The following SMYD3 variants were observed in gnomAD, a reference collection of about 807,000 sequenced individuals.
SMYD3 encodes the protein histone-lysine N-methyltransferase SMYD3.
In SMYD3, 36 loss-of-function variants were observed where a neutral mutation model predicts 57.7. That is an observed-to-expected ratio of 0.62 (90% CI 0.48 to 0.82). The LOEUF (loss-of-function observed/expected upper bound fraction) is 0.82, where lower values mean the gene tolerates loss of function less well. SMYD3 is among the 40% of genes least tolerant of loss of function. SMYD3 has a pLI of 0.00. For synonymous variants in SMYD3, 211 were observed against 195.0 expected (o/e 1.08, Z -0.68); for missense variants, 515 against 538.8 (o/e 0.96, Z 0.44).
At chr1:245,916,286 T>C (rs946714339) in intron 7 of SMYD3, among the ~76,000 whole-genome samples, 4 of 152,052 alleles carry the variant, frequency 2.6e-5, no homozygotes, top group Admixed American at 2.6e-4. Context: ...CCTCGGATGG[T>C]GAAGGGTTAT....
At chr1:246,018,325 T>C (rs1017953644) in intron 5 of SMYD3, among the ~76,000 whole-genome samples, 1 of 152,212 alleles carries the variant, frequency 6.6e-6, no homozygotes, top group South Asian at 2.1e-4. Flanking sequence ...GGCTGCCAGG[T>C]TTCCACGTGA....
intron 10 of SMYD3, among the ~76,000 whole-genome samples, chr1:245,808,828 T>A (rs1487863609): frequency 6.6e-6 from 1 of 152,090 alleles, no homozygotes; most frequent in Non-Finnish European, 1.5e-5. Flanking sequence ...AATGGCACGA[T>A]CTCAGCTCAT....
At chr1:245,838,370 T>C (rs2185372) in intron 10 of SMYD3, among the ~76,000 whole-genome samples, 151,922 of 152,300 alleles carry the variant, frequency 1, 75,773 homozygotes, top group East Asian at 1. Context: ...AGGCATCAGT[T>C]GGAAGCCACA....
At chr1:246,025,173 G>A (rs2148241780) in intron 5 of SMYD3, among the ~76,000 whole-genome samples, 1 of 134,734 alleles carries the variant, frequency 7.4e-6, no homozygotes, top group East Asian at 2.3e-4. Context: ...CTAGGAAGGA[G>A]ATACAGGAAG....
intron 5 of SMYD3, among the ~76,000 whole-genome samples, chr1:246,114,715 C>A (rs1205697656): frequency 6.6e-6 from 1 of 152,044 alleles, no homozygotes; most frequent in African/African-American, 2.4e-5. Context: ...ACTGCAACCT[C>A]TGCCTACCAG....
At chr1:246,200,603 T>C (rs1365947480) in intron 5 of SMYD3, among the ~76,000 whole-genome samples, 1 of 115,366 alleles carries the variant, frequency 8.7e-6, no homozygotes, top group Non-Finnish European at 1.6e-5. Flanking sequence ...TACACAGACG[T>C]CACTATAATA....
At chr1:245,892,289 A>G (rs1383768393) in intron 8 of SMYD3, among the ~76,000 whole-genome samples, 1 of 152,220 alleles carries the variant, frequency 6.6e-6, no homozygotes, top group Non-Finnish European at 1.5e-5. Context: ...AGATCATTCA[A>G]TAATAATAAT....
intron 1 of SMYD3, among the ~76,000 whole-genome samples, chr1:246,496,644 A>C (rs1414771399): frequency 3.9e-5 from 6 of 152,108 alleles, no homozygotes; most frequent in Non-Finnish European, 8.8e-5. Context: ...GCTGGGCAAC[A>C]TGGTGAAACC....
intron 8 of SMYD3, among the ~76,000 whole-genome samples, chr1:245,865,986 G>C (rs1400578479): frequency 3.8e-5 from 1 of 26,268 alleles, no homozygotes. Flanking sequence ...AGCAGGGCCA[G>C]TGTGAAGGAT....
intron 5 of SMYD3, among the ~76,000 whole-genome samples, chr1:246,189,498 T>G (rs1338806145): frequency 1.3e-5 from 2 of 152,210 alleles, no homozygotes; most frequent in Admixed American, 6.5e-5. Flanking sequence ...AATTTGTTAT[T>G]AAAATACATA....
intron 5 of SMYD3, among the ~76,000 whole-genome samples, chr1:246,123,245 G>A (rs555172453): frequency 7.4e-4 from 113 of 152,230 alleles, no homozygotes; most frequent in Middle Eastern, 3.4e-3. Context: ...TAATCTAAAC[G>A]GAAGAGCCAT....
At chr1:245,908,531 T>C (rs1188715955) in intron 8 of SMYD3, among the ~76,000 whole-genome samples, 5 of 152,198 alleles carry the variant, frequency 3.3e-5, no homozygotes, top group Admixed American at 2.6e-4. Context: ...TAGAATATAC[T>C]TTCATCTCAT....
intron 1 of SMYD3, among the ~76,000 whole-genome samples, chr1:246,385,287 C>T (rs1280680861): frequency 7.0e-6 from 1 of 143,374 alleles, no homozygotes; most frequent in African/African-American, 2.5e-5. Flanking sequence ...ATTTTAAGTA[C>T]TAGGAATAAA....
At chr1:246,131,316 G>C (rs114072155) in intron 5 of SMYD3, among the ~76,000 whole-genome samples, 223 of 152,220 alleles carry the variant, frequency 1.5e-3, no homozygotes, top group African/African-American at 5.3e-3. Context: ...GTACATGGTG[G>C]TGGCTCAGGA....
intron 5 of SMYD3, among the ~76,000 whole-genome samples, chr1:246,225,425 G>A (rs2063316831): frequency 6.8e-6 from 1 of 147,152 alleles, no homozygotes; most frequent in African/African-American, 2.5e-5. Flanking sequence ...CTGTAATGAA[G>A]TGTCAGAAAA....
chr1:246,011,440 G>A (rs981804475), intron 5 of SMYD3, among the ~76,000 whole-genome samples: 1 of 152,046 alleles, frequency 6.6e-6, no homozygotes, highest in Non-Finnish European at 1.5e-5. Context: ...TATTCATAAC[G>A]GTTTTTCATG....
At chr1:246,175,883 G>A (rs1221861560) in intron 5 of SMYD3, among the ~76,000 whole-genome samples, 1 of 152,140 alleles carries the variant, frequency 6.6e-6, no homozygotes, top group Non-Finnish European at 1.5e-5. Context: ...ATACTGTGCA[G>A]ACACAGAATA....
At chr1:245,985,023 G>C (rs2058674742) in intron 5 of SMYD3, among the ~76,000 whole-genome samples, 1 of 152,008 alleles carries the variant, frequency 6.6e-6, no homozygotes, top group Non-Finnish European at 1.5e-5. Flanking sequence ...GTCCCTGTTT[G>C]ACTCTCTGCC....
rs1203690259 is a variant in SMYD3 at position 246,200,163 on chromosome 1, G to GAA, written c.531+127037_531+127038insTT. On this transcript the variant is annotated intron_variant, in intron 5 of 11. Coordinates refer to ENST00000490107, the MANE Select transcript of SMYD3 (RefSeq NM_001167740.2). ...AGAGAACAGTGTAGACGCTGAGCAA[G>GAA]TATGTACACAGATGTCCACTGTGAT... Among the ~76,000 whole-genome samples, 33 of 150,954 alleles carry GAA rather than the reference G, an allele frequency of 2.2e-4. 6 individuals carry two copies. The highest frequency in any genetic ancestry group is 1.0e-3 in the South Asian group (5 of 4,764).
Sources: gnomAD v4.1 joint callset for allele counts (sites outside exome capture counted in the v4.1 genomes callset) on GRCh38, gnomAD v4.1.1 for gene constraint, MANE v1.5 for transcripts, NCBI Gene and HGNC (gene_info 2026-07-23, HGNC 2026-07-21) for gene names.